DOCK3: variants seen among roughly 807,000 people sequenced by gnomAD.
The protein encoded by DOCK3 is dedicator of cytokinesis protein 3.
Under a neutral mutation model 265.6 loss-of-function variants are expected in DOCK3, and 60 were observed. The ratio of observed to expected loss-of-function variants is 0.23; its 90% CI spans 0.18 to 0.28. The LOEUF (loss-of-function observed/expected upper bound fraction) is 0.28. DOCK3 is among the 10% of genes least tolerant of loss of function. DOCK3 has a pLI of 1.00. For synonymous variants in DOCK3, 881 were observed against 938.0 expected (o/e 0.94, Z 1.11); for missense variants, 1,981 against 2,594.3 (o/e 0.76, Z 5.14).
intron 13 of DOCK3, 136 bp downstream of exon 13, chr3:51,208,998 C>T (rs2108142673): frequency 2.7e-6 from 2 of 731,320 alleles, no homozygotes; most frequent in Middle Eastern, 5.3e-4. Context: ...ATTTCCTACT[C>T]ATTCTTTTTG....
intron 9 of DOCK3, among the ~76,000 whole-genome samples, chr3:51,139,252 A>AAT (rs1329733178): frequency 0.036 from 5,185 of 143,460 alleles, 358 homozygotes; most frequent in African/African-American, 0.13. Flanking sequence ...ACTCAACTGC[A>AAT]GTGGGGGGAG....
At chr3:51,024,268 T>C (rs2079719166) in intron 5 of DOCK3, among the ~76,000 whole-genome samples, 1 of 152,242 alleles carries the variant, frequency 6.6e-6, no homozygotes, top group Non-Finnish European at 1.5e-5. Flanking sequence ...CAGGGATTCC[T>C]TAAAGCTTAT....
intron 7 of DOCK3, 151 bp from the exon 8 acceptor site, chr3:51,089,092 A>G: frequency 3.5e-6 from 3 of 860,328 alleles, no homozygotes; most frequent in Non-Finnish European, 5.3e-6. Flanking sequence ...GTCTCCACCA[A>G]ATACGAATAA....
chr3:50,959,748 T>A (rs1262290525), intron 5 of DOCK3, among the ~76,000 whole-genome samples: 1 of 151,668 alleles, frequency 6.6e-6, no homozygotes, highest in Non-Finnish European at 1.5e-5. Flanking sequence ...CCCGGCTAAT[T>A]TTTTTGTATT....
intron 9 of DOCK3, among the ~76,000 whole-genome samples, chr3:51,144,561 A>G (rs935642320): frequency 2.0e-5 from 3 of 152,082 alleles, no homozygotes; most frequent in Admixed American, 1.3e-4. Flanking sequence ...TCCCTCAGCA[A>G]TCTGACCAAA....
intron 5 of DOCK3, among the ~76,000 whole-genome samples, chr3:51,014,883 G>T (rs2079090618): frequency 6.6e-6 from 1 of 151,826 alleles, no homozygotes; most frequent in African/African-American, 2.4e-5. Flanking sequence ...TAATTTCTAG[G>T]TATTTAATTT....
chr3:51,050,328 A>G (rs1233273856), intron 5 of DOCK3, among the ~76,000 whole-genome samples: 1 of 152,304 alleles, frequency 6.6e-6, no homozygotes, highest in Non-Finnish European at 1.5e-5. Flanking sequence ...TTGAGGCTAC[A>G]CTGTGCTGTG....
intron 4 of DOCK3, among the ~76,000 whole-genome samples, chr3:50,914,607 A>G (rs1007662265): frequency 6.6e-6 from 1 of 152,172 alleles, no homozygotes. Flanking sequence ...GTTGTGGCCT[A>G]ACATACAGTC....
chr3:50,861,803 G>A (rs1244652829), intron 3 of DOCK3, among the ~76,000 whole-genome samples: 1 of 122,638 alleles, frequency 8.2e-6, no homozygotes, highest in African/African-American at 3.1e-5. Flanking sequence ...ATCCCTTTAT[G>A]TTGAGCCTTT....
intron 1 of DOCK3, among the ~76,000 whole-genome samples, chr3:50,698,022 G>A (rs1194008839): frequency 2.0e-5 from 3 of 151,850 alleles, no homozygotes; most frequent in Admixed American, 6.6e-5. Context: ...CAGGGGTGTC[G>A]AGGTATAATT....
chr3:51,149,599 A>T (rs896756191), intron 10 of DOCK3, among the ~76,000 whole-genome samples: 5 of 152,176 alleles, frequency 3.3e-5, no homozygotes, highest in Admixed American at 2.6e-4. Flanking sequence ...TGAGATAATC[A>T]TGTGGTTTTT....
At chr3:51,313,448 G>A (rs1256726730) in intron 31 of DOCK3, among the ~76,000 whole-genome samples, 1 of 152,186 alleles carries the variant, frequency 6.6e-6, no homozygotes, top group African/African-American at 2.4e-5. Context: ...TCCCTTCTTT[G>A]CACAGCTTCT....
chr3:51,354,029 CAT>C (rs1560490232), intron 40 of DOCK3, among the ~76,000 whole-genome samples: 2 of 152,166 alleles, frequency 1.3e-5, no homozygotes, highest in African/African-American at 4.8e-5. Context: ...TGTGACATAA[CAT>C]AAAGTTTTAA....
At chr3:50,980,917 G>A (rs2077666773) in intron 5 of DOCK3, among the ~76,000 whole-genome samples, 1 of 150,796 alleles carries the variant, frequency 6.6e-6, no homozygotes, top group South Asian at 2.1e-4. Context: ...TTTTTGTTTT[G>A]TTGATCCTTT....
intron 41 of DOCK3, 109 bp from the exon 42 acceptor site, chr3:51,355,980 G>A: frequency 7.0e-7 from 1 of 1,421,636 alleles, no homozygotes; most frequent in African/African-American, 1.4e-5. Flanking sequence ...TGGGCTGTCA[G>A]TAAGGAGCAG....
In DOCK3 at chr3:51,126,972, T is replaced by G. The variant is rs374429997; in HGVS notation, c.747-19577T>G. On this transcript the variant is annotated intron_variant, in intron 9 of 52. Transcript: ENST00000266037. The stretch of plus-strand genomic sequence containing the variant: ...CTGTGGTAGGGTTCTTATATATATA[T>G]ATATGAGTTTATTAAGTATTAACTC... 2.0e-5 allele frequency among the ~76,000 whole-genome samples: 3 copies of G among 152,026 alleles called. No homozygotes were observed. In the East Asian group the frequency reaches 5.8e-4, roughly 29 times the overall value.
intron 32 of DOCK3, among the ~76,000 whole-genome samples, chr3:51,325,261 G>A (rs1435431990): frequency 6.6e-6 from 1 of 151,888 alleles, no homozygotes; most frequent in Non-Finnish European, 1.5e-5. Context: ...AAGATGAACA[G>A]ACACTTCTCA....
intron 11 of DOCK3, 25 bp downstream of exon 11, chr3:51,159,329 A>G (rs755125039): frequency 1.2e-6 from 2 of 1,606,706 alleles, no homozygotes; most frequent in Middle Eastern, 1.7e-4. Context: ...ACCCATTCAC[A>G]TGACTAAGAA....
At chr3:50,761,857 C>CA (rs2040551502) in intron 1 of DOCK3, among the ~76,000 whole-genome samples, 1 of 152,094 alleles carries the variant, frequency 6.6e-6, no homozygotes, top group South Asian at 2.1e-4. Context: ...TGGAACCAAC[C>CA]AAATGTCCAC....
Sources: allele counts gnomAD v4.1 joint callset (sites outside exome capture counted in the v4.1 genomes callset), GRCh38; gene constraint gnomAD v4.1.1; transcripts MANE v1.5; gene names NCBI Gene and HGNC (gene_info 2026-07-23, HGNC 2026-07-21).